Variants in TLX2 observed in about 807,000 individuals in gnomAD.
TLX2 encodes T-cell leukemia homeobox protein 2.
A neutral mutation model predicts 21.7 loss-of-function variants in TLX2; 15 were observed. The observed-to-expected ratio is 0.69, with a 90% CI of 0.46 to 1.07. The LOEUF is 1.07. Ranked by LOEUF, TLX2 falls within the 50% of genes least tolerant of loss-of-function variation. TLX2 has a pLI of 0.00. For missense variants in TLX2, 384 were observed against 409.1 expected, an observed-to-expected ratio of 0.94 and a Z score of 0.53; for synonymous variants, 213 against 193.1, an observed-to-expected ratio of 1.10 and a Z score of -0.85.
chr2:74,515,563 C>T lies in TLX2; in HGVS notation c.401-70C>T, dbSNP rs1291983365. On this transcript the variant is annotated intron_variant, in intron 1 of 2. Coordinates refer to ENST00000233638, the MANE Select transcript of TLX2 (RefSeq NM_016170.5). This position sits in a 1 kb window ranked among gnomAD's most constrained non-coding sequence, Gnocchi z 6.6. ...GCGGGAGTTCTGCGGCCTGGACAGC[C>T]GCGCGGCCTTCTCAGTGGCACCTCG... 3.4e-6 allele frequency: 5 copies of T among 1,463,908 alleles called. No homozygotes were observed. In the East Asian group the frequency reaches 1.1e-4, roughly 34 times the overall value. 90.7% of individuals were successfully genotyped at this position (1,463,908 alleles called of 1,614,324 possible).
Position 74,516,490 on chromosome 2 carries a change from G to T in TLX2, c.*301G>T, listed in dbSNP as rs1454398037. On this transcript the variant is annotated 3_prime_UTR_variant, in exon 3 of 3. Transcript: ENST00000233638. Reference sequence around the variant, plus strand: ...CCAATGAGGTGCGGGGAGGGGGCCGGGCTGGCCAATGGGAGCTGCTTTCCT... The same window carrying T: ...CCAATGAGGTGCGGGGAGGGGGCCGTGCTGGCCAATGGGAGCTGCTTTCCT... The T allele has an allele frequency of 6.3e-6, 8 of 1,276,692 alleles. No individual in the cohort carries two copies. Among genetic ancestry groups the T allele is most frequent in the Non-Finnish European group, 6.0e-6 (6 of 1,003,062 alleles). 79.1% of individuals were successfully genotyped at this position (1,276,692 alleles called of 1,614,324 possible).
chr2:74,514,733 G>A lies in TLX2; in HGVS notation c.-74G>A. ...AGGCCACTCTCCGGAGCGCGCCGCCGCTGGGCTTCTGGCGCTGCCTGAGGC... is the reference window on the plus strand; with the variant it reads ...AGGCCACTCTCCGGAGCGCGCCGCCACTGGGCTTCTGGCGCTGCCTGAGGC... On this transcript the variant is annotated 5_prime_UTR_variant, in exon 1 of 3. Transcript: ENST00000233638. This position sits in a 1 kb window ranked among gnomAD's most constrained non-coding sequence, Gnocchi z 5.0. The A allele has an allele frequency of 6.3e-7, 1 of 1,596,254 alleles. No homozygotes were observed. The highest frequency in any genetic ancestry group is 8.5e-7 in the Non-Finnish European group (1 of 1,172,516).
In TLX2 at chr2:74,514,885, G is replaced by A; in HGVS notation, c.79G>A (p.Gly27Ser). The change falls in exon 1 of 3, where the codon GGC becomes AGC. Residue 27 changes from glycine (G) to serine (S), a missense_variant. Gly to Ser is a moderately conservative substitution (Grantham distance 56, BLOSUM62 0). Coordinates refer to ENST00000233638, the MANE Select transcript of TLX2 (RefSeq NM_016170.5). The surrounding 1 kb of genome is among the most constrained non-coding windows in gnomAD (Gnocchi z 5.0). ...ISFGIDQILSGPETPGGGLGL... is the reference protein window; with the variant it reads ...ISFGIDQILSSPETPGGGLGL... ...CTTCGGCATCGATCAGATCCTGAGCGGCCCCGAAACCCCAGGGGGCGGTCT... is the reference window on the plus strand; with the variant it reads ...CTTCGGCATCGATCAGATCCTGAGCAGCCCCGAAACCCCAGGGGGCGGTCT... 1 of 1,612,518 alleles carries A rather than the reference G, an allele frequency of 6.2e-7. No homozygotes were observed. The highest frequency in any genetic ancestry group is 1.1e-5 in the South Asian group (1 of 91,016).
chr2:74,515,752 C>A lies in TLX2; in HGVS notation c.520C>A (p.Arg174=), dbSNP rs142188865. The change falls in exon 2 of 3, where the codon CGG becomes AGG. Residue 174 remains arginine (R), a synonymous_variant. Coordinates refer to ENST00000233638, the MANE Select transcript of TLX2 (RefSeq NM_016170.5). This position sits in a 1 kb window ranked among gnomAD's most constrained non-coding sequence, Gnocchi z 6.6. ...FSRSQVLELE[R]RFLRQKYLAS... ...CCGCTCACAGGTGCTGGAGTTGGAG[C>A]GGCGCTTCCTGCGCCAGAAGTACCT... 337 of 1,613,328 alleles carry A rather than the reference C, an allele frequency of 2.1e-4. No individual in the cohort carries two copies. Among genetic ancestry groups the A allele is most frequent in the Non-Finnish European group, 2.7e-4 (324 of 1,179,960 alleles).
Position 74,515,933 on chromosome 2 carries a change from G to A in TLX2, c.639-40G>A. 6.7e-7 allele frequency: 1 copy of A among 1,500,400 alleles called. No homozygotes were observed. The highest frequency in any genetic ancestry group is 8.8e-7 in the Non-Finnish European group (1 of 1,132,350). 92.9% of individuals were successfully genotyped at this position (1,500,400 alleles called of 1,614,324 possible). A position where few individuals can be genotyped will look rare whatever the true frequency, so the allele number is the denominator to read the frequency against. ...CGAGCAGGGCCTGGTGAGAAGCGAC[G>A]CGGCGGGCGCCCCGCTGACCCCGCG... On this transcript the variant is annotated intron_variant, in intron 2 of 2. Transcript: ENST00000233638. The surrounding 1 kb of genome is among the most constrained non-coding windows in gnomAD (Gnocchi z 6.6).
At position 74,515,198 on chromosome 2, in the gene TLX2, G is replaced by T. The variant is rs192361957; in HGVS notation, c.392G>T (p.Arg131Leu). Residue 131 changes from arginine (R) to leucine (L), a missense_variant, in exon 1 of 3, where the codon CGG (arginine) becomes CTG (leucine). Physicochemically the swap from Arg to Leu is moderately radical, Grantham distance 102 (BLOSUM62 -2). Transcript: ENST00000233638. This position sits in a 1 kb window ranked among gnomAD's most constrained non-coding sequence, Gnocchi z 6.6. ...AGCGGCCGCCGCTTTGCCAAGGACC[G>T]GCTCACGGGTGAGGTTGTCTGACCC... ...MDSGRRFAKD[R>L]LTAALSPFSG... is the part of the protein sequence containing the mutation. 1 of 1,540,626 alleles carries T rather than the reference G, an allele frequency of 6.5e-7. No homozygotes were observed. Among genetic ancestry groups the T allele is most frequent in the South Asian group, 1.2e-5 (1 of 84,306 alleles).
At position 74,515,114 on chromosome 2, in the gene TLX2, G is replaced by A. The variant is rs1466334555; in HGVS notation, c.308G>A (p.Gly103Glu). 14 of 1,539,584 alleles carry A rather than the reference G, an allele frequency of 9.1e-6. No individual in the cohort carries two copies. Among genetic ancestry groups the A allele is most frequent in the African/African-American group, 1.4e-5 (1 of 71,792 alleles). The change falls in exon 1 of 3, where the codon GGG becomes GAG. Residue 103 changes from glycine to glutamate, a missense_variant. Transcript: ENST00000233638. This position sits in a 1 kb window ranked among gnomAD's most constrained non-coding sequence, Gnocchi z 6.6. Reference sequence around the variant, plus strand: ...GCTGGGGGGGCGCCTGCAGTGCCTGGGCCCTCGGGTTTGGGCGGCGCCGGA... The same window carrying A: ...GCTGGGGGGGCGCCTGCAGTGCCTGAGCCCTCGGGTTTGGGCGGCGCCGGA... ...PPAGGAPAVP[G>E]PSGLGGAGGL...
In TLX2 at chr2:74,515,175, C is replaced by T; in HGVS notation, c.369C>T (p.Ser123=). 1.3e-6 allele frequency: 2 copies of T among 1,541,102 alleles called. No homozygotes were observed. Among genetic ancestry groups the T allele is most frequent in the African/African-American group, 1.4e-5 (1 of 73,386 alleles). ...GACTCACCTTCCCCTGGATGGACAG[C>T]GGCCGCCGCTTTGCCAAGGACCGGC... ...LAGLTFPWMD[S]GRRFAKDRLT... Residue 123 remains serine, a synonymous_variant, in exon 1 of 3, where the codon AGC becomes AGT. Transcript: ENST00000233638. This position sits in a 1 kb window ranked among gnomAD's most constrained non-coding sequence, Gnocchi z 6.6.
At position 74,514,817 on chromosome 2, in the gene TLX2, G is replaced by A. The variant is rs1158845085; in HGVS notation, c.11G>A (p.Gly4Glu). 5 of 1,612,794 alleles carry A rather than the reference G, an allele frequency of 3.1e-6. No homozygotes were observed. Among genetic ancestry groups the A allele is most frequent in the Non-Finnish European group, 4.2e-6 (5 of 1,179,684 alleles). The change falls in exon 1 of 3, where the codon GGG (glycine) becomes GAG (glutamate). Residue 4 changes from glycine (G) to glutamate (E), a missense_variant. Physicochemically the swap from Gly to Glu is moderately conservative, Grantham distance 98. Transcript: ENST00000233638. The surrounding 1 kb of genome is among the most constrained non-coding windows in gnomAD (Gnocchi z 5.0). The stretch of plus-strand genomic sequence containing the variant: ...CCTCGGCCCAGACCGATGGAGCCGG[G>A]GATGCTGGGTCCACACAACCTCCCA... MEP[G>E]MLGPHNLPHH...
At position 74,515,356 on chromosome 2, in the gene TLX2, C is replaced by T. The variant is rs1029404241; in HGVS notation, c.400+150C>T. The T allele has an allele frequency of 6.8e-7, 1 of 1,469,824 alleles. No homozygotes were observed. Among genetic ancestry groups the T allele is most frequent in the Non-Finnish European group, 9.1e-7 (1 of 1,100,932 alleles). The allele number at this position is 1,469,824 out of a possible 1,614,324, so 91.0% of individuals were successfully genotyped here. On this transcript the variant is annotated intron_variant, in intron 1 of 2. Coordinates refer to ENST00000233638, the MANE Select transcript of TLX2 (RefSeq NM_016170.5). The surrounding 1 kb of genome is among the most constrained non-coding windows in gnomAD (Gnocchi z 6.6). Reference sequence around the variant, plus strand: ...CCCCAACTCAAATCTCTGGGTCCTGCCTCCGAGAGGTGATGGGGAGGGAGC... The same window carrying T: ...CCCCAACTCAAATCTCTGGGTCCTGTCTCCGAGAGGTGATGGGGAGGGAGC...
chr2:74,514,750 G>A lies in TLX2; in HGVS notation c.-57G>A. The stretch of plus-strand genomic sequence containing the variant: ...GCGCCGCCGCTGGGCTTCTGGCGCT[G>A]CCTGAGGCATCCTCCCCAACCACCG... On this transcript the variant is annotated 5_prime_UTR_variant, in exon 1 of 3. Transcript: ENST00000233638. The surrounding 1 kb of genome is among the most constrained non-coding windows in gnomAD (Gnocchi z 5.0). The A allele has an allele frequency of 2.5e-6, 4 of 1,606,674 alleles. No individual in the cohort carries two copies. The Middle Eastern group carries it at 5.0e-4, about 200-fold the overall frequency.
rs778761561 is a variant in TLX2, at chr2:74,515,097, G to C, written c.291G>C (p.Gly97=). Residue 97 remains glycine (G), a synonymous_variant, in exon 1 of 3, where the codon GGG becomes GGC. Transcript: ENST00000233638. The surrounding 1 kb of genome is among the most constrained non-coding windows in gnomAD (Gnocchi z 6.6). ...RPLPVPPPAG[G]APAVPGPSGL... is the part of the protein sequence containing the mutation. ...TGCCTGTGCCGCCGCCCGCTGGGGGGGCGCCTGCAGTGCCTGGGCCCTCGG... is the reference window on the plus strand; with the variant it reads ...TGCCTGTGCCGCCGCCCGCTGGGGGCGCGCCTGCAGTGCCTGGGCCCTCGG... The C allele has an allele frequency of 6.5e-7, 1 of 1,526,746 alleles. No individual in the cohort carries two copies. Among genetic ancestry groups the C allele is most frequent in the African/African-American group, 1.4e-5 (1 of 69,976 alleles). The allele number at this position is 1,526,746 out of a possible 1,614,324, so 94.6% of individuals were successfully genotyped here.
rs568002356 is a variant in TLX2, at chr2:74,514,796, G to A, written c.-11G>A. On this transcript the variant is annotated 5_prime_UTR_variant, in exon 1 of 3. Coordinates refer to ENST00000233638, the MANE Select transcript of TLX2 (RefSeq NM_016170.5). This position sits in a 1 kb window ranked among gnomAD's most constrained non-coding sequence, Gnocchi z 5.0. ...CACCGAACCTCCGGCGGTTCTCCTCGGCCCAGACCGATGGAGCCGGGGATG... is the reference window on the plus strand; with the variant it reads ...CACCGAACCTCCGGCGGTTCTCCTCAGCCCAGACCGATGGAGCCGGGGATG... 1 of 1,612,204 alleles carries A rather than the reference G, an allele frequency of 6.2e-7. No individual in the cohort carries two copies.
rs1479808980 is a variant in TLX2, at chr2:74,516,081, G to T, written c.747G>T (p.Pro249=). The part of the protein sequence containing the change: ...LPRPLRPPLP[P]DPLCLHNSSL... ...GGCCGCTGCGGCCGCCGCTGCCCCC[G>T]GACCCTCTCTGCCTGCACAACTCGT... Residue 249 remains proline, a synonymous_variant, in exon 3 of 3, where the codon CCG becomes CCT. Transcript: ENST00000233638. 1.2e-6 allele frequency: 2 copies of T among 1,602,188 alleles called. No homozygotes were observed. The highest frequency in any genetic ancestry group is 2.3e-5 in the East Asian group (1 of 43,922).
rs781041725 is a variant in TLX2, at chr2:74,514,946, A to C, written c.140A>C (p.Asn47Thr). Residue 47 changes from asparagine to threonine, a missense_variant, in exon 1 of 3, where the codon AAT becomes ACT. By Grantham distance (65) the Asn-to-Thr change is moderately conservative. Transcript: ENST00000233638. The surrounding 1 kb of genome is among the most constrained non-coding windows in gnomAD (Gnocchi z 5.0). Reference sequence around the variant, plus strand: ...CGCGGGGGCCAGGGTCATGGGGAGAATGGGGCGTTCTCGGGTGGATACCAC... The same window carrying C: ...CGCGGGGGCCAGGGTCATGGGGAGACTGGGGCGTTCTCGGGTGGATACCAC... ...LGRGGQGHGE[N>T]GAFSGGYHGA... The C allele has an allele frequency of 6.3e-7, 1 of 1,596,984 alleles. No homozygotes were observed. Among genetic ancestry groups the C allele is most frequent in the South Asian group, 1.1e-5 (1 of 89,592 alleles).
At position 74,514,783 on chromosome 2, in the gene TLX2, G is replaced by C. The variant is rs1274772774; in HGVS notation, c.-24G>C. Reference sequence around the variant, plus strand: ...CATCCTCCCCAACCACCGAACCTCCGGCGGTTCTCCTCGGCCCAGACCGAT... The same window carrying C: ...CATCCTCCCCAACCACCGAACCTCCCGCGGTTCTCCTCGGCCCAGACCGAT... On this transcript the variant is annotated 5_prime_UTR_variant, in exon 1 of 3. Transcript: ENST00000233638. This position sits in a 1 kb window ranked among gnomAD's most constrained non-coding sequence, Gnocchi z 5.0. 5 of 1,611,786 alleles carry C rather than the reference G, an allele frequency of 3.1e-6. No individual in the cohort carries two copies. In the Admixed American group the frequency reaches 6.7e-5, roughly 22 times the overall value.
Position 74,515,135 on chromosome 2 carries a change from C to T in TLX2, c.329C>T (p.Ala110Val). 1 of 1,541,082 alleles carries T rather than the reference C, an allele frequency of 6.5e-7. No individual in the cohort carries two copies. The highest frequency in any genetic ancestry group is 2.5e-5 in the East Asian group (1 of 40,578). Reference protein sequence around the residue: ...AVPGPSGLGGAGGLAGLTFPW... With the variant: ...AVPGPSGLGGVGGLAGLTFPW... ...CCTGGGCCCTCGGGTTTGGGCGGCGCCGGAGGCCTAGCGGGACTCACCTTC... is the reference window on the plus strand; with the variant it reads ...CCTGGGCCCTCGGGTTTGGGCGGCGTCGGAGGCCTAGCGGGACTCACCTTC... The change falls in exon 1 of 3, where the codon GCC (alanine) becomes GTC (valine). Residue 110 changes from alanine (A) to valine (V), a missense_variant. Physicochemically the swap from Ala to Val is moderately conservative, Grantham distance 64. Transcript: ENST00000233638. The surrounding 1 kb of genome is among the most constrained non-coding windows in gnomAD (Gnocchi z 6.6).
rs1674872968 is a variant in TLX2, at chr2:74,515,939, G to T, written c.639-34G>T. The T allele has an allele frequency of 6.7e-7, 1 of 1,493,308 alleles. No individual in the cohort carries two copies. Among genetic ancestry groups the T allele is most frequent in the Non-Finnish European group, 8.9e-7 (1 of 1,129,376 alleles). The allele number at this position is 1,493,308 out of a possible 1,614,324, so 92.5% of individuals were successfully genotyped here. A position where few individuals can be genotyped will look rare whatever the true frequency, so the allele number is the denominator to read the frequency against. On this transcript the variant is annotated intron_variant, in intron 2 of 2. Transcript: ENST00000233638. The surrounding 1 kb of genome is among the most constrained non-coding windows in gnomAD (Gnocchi z 6.6). The stretch of plus-strand genomic sequence containing the variant: ...GGGCCTGGTGAGAAGCGACGCGGCG[G>T]GCGCCCCGCTGACCCCGCGTCTCCC...
chr2:74,514,694 C>T lies in TLX2; in HGVS notation c.-113C>T, dbSNP rs374363752. 35 of 1,544,726 alleles carry T rather than the reference C, an allele frequency of 2.3e-5. No homozygotes were observed. The African/African-American group carries it at 2.9e-4, about 13-fold the overall frequency. On this transcript the variant is annotated 5_prime_UTR_variant, in exon 1 of 3. Coordinates refer to ENST00000233638, the MANE Select transcript of TLX2 (RefSeq NM_016170.5). The surrounding 1 kb of genome is among the most constrained non-coding windows in gnomAD (Gnocchi z 5.0). Reference sequence around the variant, plus strand: ...ACCCCGGCGCCCTGCCTTGGCCAGCCCCGCGGGCCCCTGAGGCCACTCTCC... The same window carrying T: ...ACCCCGGCGCCCTGCCTTGGCCAGCTCCGCGGGCCCCTGAGGCCACTCTCC...
Sources: gnomAD v4.1 joint callset for allele counts on GRCh38, gnomAD v4.1.1 for gene constraint, Gnocchi (gnomAD v3.1) non-coding constraint, MANE v1.5 for transcripts, NCBI Gene and HGNC (gene_info 2026-07-23, HGNC 2026-07-21) for gene names.